The following CPXM2 variants were observed in gnomAD, a reference collection of about 807,000 sequenced individuals.
CPXM2 encodes the protein carboxypeptidase X, M14 family member 2.
In CPXM2, 66 loss-of-function variants were observed where a neutral mutation model predicts 86.1. The observed-to-expected ratio is 0.77, with a 90% CI of 0.63 to 0.94. The LOEUF is 0.94. CPXM2 is among the 40% of genes least tolerant of loss of function. The probability of loss-of-function intolerance (pLI) is 0.00; values close to 1 mark genes in which losing one functional copy is unlikely to be tolerated. For missense variants in CPXM2, 948 were observed against 1,026.3 expected, an observed-to-expected ratio of 0.92 and a Z score of 1.04; for synonymous variants, 388 against 400.2, an observed-to-expected ratio of 0.97 and a Z score of 0.36.
chr10:123,761,220 C>T (rs1413000379), intron 11 of CPXM2, among the ~76,000 whole-genome samples: 1 of 152,184 alleles, frequency 6.6e-6, no homozygotes, highest in Admixed American at 6.5e-5. Flanking sequence ...AGCACACAGT[C>T]GGCGTTGACC....
intron 13 of CPXM2, chr10:123,751,088 C>T (rs1004076676): frequency 8.1e-6 from 8 of 983,528 alleles, no homozygotes; most frequent in African/African-American, 1.7e-5. Context: ...GCCTGTCCCG[C>T]AGACTCTGGC....
chr10:123,754,586 T>A lies in CPXM2; in HGVS notation c.2017+77A>T. 1.3e-6 allele frequency: 1 copy of A among 796,414 alleles called. No individual in the cohort carries two copies. The highest frequency in any genetic ancestry group is 1.5e-5 in the South Asian group (1 of 67,202). 49.3% of individuals were successfully genotyped at this position (796,414 alleles called of 1,614,324 possible). On this transcript the variant is annotated intron_variant, in intron 13 of 13. Transcript: ENST00000241305. The surrounding 1 kb of genome is among the most constrained non-coding windows in gnomAD (Gnocchi z 4.0). ...TAAGACATTTCTGGCAGTCATTTCA[T>A]GATTGTAACCCAAGTAAAATGCCTA...
At chr10:123,915,010 A>AC (rs1344057040) in intron 2 of CPXM2, among the ~76,000 whole-genome samples, 5 of 152,134 alleles carry the variant, frequency 3.3e-5, no homozygotes, top group Non-Finnish European at 7.3e-5. Flanking sequence ...CAAAGTCCTT[A>AC]CCAAGAGGTT....
At chr10:123,933,283 A>T (rs190294116) in intron 2 of CPXM2, among the ~76,000 whole-genome samples, 2 of 152,306 alleles carry the variant, frequency 1.3e-5, no homozygotes, top group Non-Finnish European at 2.9e-5. Flanking sequence ...CCTAGCATTG[A>T]TCTAGGACTA....
At chr10:123,772,868 T>A (rs1846680919) in intron 7 of CPXM2, among the ~76,000 whole-genome samples, 1 of 150,402 alleles carries the variant, frequency 6.6e-6, no homozygotes, top group Non-Finnish European at 1.5e-5. Context: ...TCTCTGGTTG[T>A]GGTCATCCCT....
In CPXM2 at chr10:123,803,089, G is replaced by T. The variant is rs898086135; in HGVS notation, c.654-3890C>A. Among the ~76,000 whole-genome samples, 15 of 100,268 alleles carry T rather than the reference G, an allele frequency of 1.5e-4. No homozygotes were observed. The East Asian group carries it at 1.8e-3, about 12-fold the overall frequency. 65.8% of individuals were successfully genotyped at this position (100,268 alleles called of 152,430 possible). A position where few individuals can be genotyped will look rare whatever the true frequency, so the allele number is the denominator to read the frequency against. ...ATATTGCAAACATCTCCTCCAATTT[G>T]TCTTCCTTTTCATCCTCTTTGTAGT... On this transcript the variant is annotated intron_variant, in intron 4 of 13. Transcript: ENST00000241305.
Position 123,885,090 on chromosome 10 carries a change from C to T in CPXM2, c.305-4781G>A, listed in dbSNP as rs73366797. On this transcript the variant is annotated intron_variant, in intron 1 of 13. Transcript: ENST00000241305. The surrounding 1 kb of genome is among the most constrained non-coding windows in gnomAD (Gnocchi z 4.0). ...GCCTGAGACAAGAAGGCTTTGGGCA[C>T]AGTGCTGTATGTGGGAGGAGATTTC... Among the ~76,000 whole-genome samples the T allele has an allele frequency of 4.5e-3, 692 of 152,296 alleles. 5 individuals are homozygous for T. Among genetic ancestry groups the T allele is most frequent in the African/African-American group, 0.016 (662 of 41,552 alleles).
intron 11 of CPXM2, among the ~76,000 whole-genome samples, chr10:123,760,290 G>T (rs1452133168): frequency 6.6e-6 from 1 of 152,192 alleles, no homozygotes; most frequent in East Asian, 1.9e-4. Context: ...AAAGCTTTTG[G>T]TAGGTGGGTT....
intron 4 of CPXM2, among the ~76,000 whole-genome samples, chr10:123,816,423 G>A (rs8181453): frequency 0.14 from 21,988 of 152,180 alleles, 1,713 homozygotes; most frequent in East Asian, 0.32. Flanking sequence ...AAACAGTATC[G>A]CATTCCTGGA....
chr10:123,898,939 G>A (rs559445722), intron 2 of CPXM2, among the ~76,000 whole-genome samples: 1 of 152,118 alleles, frequency 6.6e-6, no homozygotes, highest in East Asian at 1.9e-4. Flanking sequence ...TAGCGCAGAT[G>A]GGGGTTCACC....
At chr10:123,927,521 A>G (rs1945633805) in intron 2 of CPXM2, among the ~76,000 whole-genome samples, 1 of 152,224 alleles carries the variant, frequency 6.6e-6, no homozygotes, top group African/African-American at 2.4e-5. Context: ...CTCACTTTAC[A>G]GATGAGGAGA....
chr10:123,756,361 G>A (rs1287104503), intron 12 of CPXM2, among the ~76,000 whole-genome samples: 4 of 152,218 alleles, frequency 2.6e-5, no homozygotes, highest in Admixed American at 2.0e-4. Flanking sequence ...ACTAGAACTG[G>A]TGAATTCACT....
At chr10:123,795,508 A>C (rs1564773144) in intron 6 of CPXM2, among the ~76,000 whole-genome samples, 1 of 152,130 alleles carries the variant, frequency 6.6e-6, no homozygotes, top group Non-Finnish European at 1.5e-5. Flanking sequence ...GGCTACGTTT[A>C]AACCACGAGG....
rs761486980 is a variant in CPXM2, at chr10:123,862,655, G to A, written c.472C>T (p.Arg158Cys). Reference protein sequence around the residue: ...DFQLHASTVKRYGLGAHRGRL... With the variant: ...DFQLHASTVKCYGLGAHRGRL... Reference sequence around the variant, plus strand: ...CCTCGATGTGCCCCCAGGCCATAGCGCTTCACCGTGGAGGCATGGAGCTGG... The same window carrying A: ...CCTCGATGTGCCCCCAGGCCATAGCACTTCACCGTGGAGGCATGGAGCTGG... Residue 158 changes from arginine (R) to cysteine (C), a missense_variant, in exon 3 of 14, where the codon CGC becomes TGC. Arg to Cys is a radical substitution (Grantham distance 180, BLOSUM62 -3). Coordinates refer to ENST00000241305, the MANE Select transcript of CPXM2 (RefSeq NM_198148.3). 2.5e-5 allele frequency: 41 copies of A among 1,614,042 alleles called. No individual in the cohort carries two copies. Among genetic ancestry groups the A allele is most frequent in the Non-Finnish European group, 3.5e-5 (41 of 1,180,050 alleles).
intron 2 of CPXM2, among the ~76,000 whole-genome samples, chr10:123,939,321 C>G (rs1031411655): frequency 6.6e-6 from 1 of 152,106 alleles, no homozygotes; most frequent in African/African-American, 2.4e-5. Flanking sequence ...CGGGGCCCAG[C>G]AGGTGGAAGG....
chr10:123,900,019 G>A (rs1471817932), intron 2 of CPXM2, among the ~76,000 whole-genome samples: 1 of 152,176 alleles, frequency 6.6e-6, no homozygotes, highest in African/African-American at 2.4e-5. Flanking sequence ...AACATATTGG[G>A]AGACAATACC....
At chr10:123,797,858 G>A (rs974871026) in intron 6 of CPXM2, 118 bp downstream of exon 6, 4 of 1,009,906 alleles carry the variant, frequency 4.0e-6, no homozygotes, top group Admixed American at 8.3e-5. Context: ...AAAATGCTGG[G>A]ATTACAGGCA....
intron 4 of CPXM2, among the ~76,000 whole-genome samples, chr10:123,817,174 G>C (rs372120626): frequency 2.6e-5 from 4 of 152,278 alleles, no homozygotes; most frequent in African/African-American, 9.6e-5. Flanking sequence ...CCCATGTATT[G>C]AATGACCCAA....
intron 6 of CPXM2, among the ~76,000 whole-genome samples, chr10:123,788,642 C>T (rs139336370): frequency 2.0e-5 from 3 of 152,328 alleles, no homozygotes; most frequent in African/African-American, 7.2e-5. Context: ...CCTAAGCTGG[C>T]TTCAGAATAA....
Sources: allele counts gnomAD v4.1 joint callset (sites outside exome capture counted in the v4.1 genomes callset), GRCh38; gene constraint gnomAD v4.1.1; non-coding constraint Gnocchi (gnomAD v3.1); transcripts MANE v1.5; gene names NCBI Gene and HGNC (gene_info 2026-07-23, HGNC 2026-07-21).